The following ANKS1B variants were observed in gnomAD, a reference collection of about 807,000 sequenced individuals.
ANKS1B encodes ankyrin repeat and sterile alpha motif domain containing 1B.
A neutral mutation model predicts 148.3 loss-of-function variants in ANKS1B; 36 were observed. The observed-to-expected ratio is 0.24, with a 90% CI of 0.19 to 0.32. The LOEUF (loss-of-function observed/expected upper bound fraction) is 0.32, where lower values mean the gene tolerates loss of function less well. Among genes scored for constraint, ANKS1B ranks in the 10% least tolerant of loss-of-function variants. The probability of loss-of-function intolerance (pLI) is 1.00; values close to 1 mark genes in which losing one functional copy is unlikely to be tolerated. For missense variants in ANKS1B, 1,157 were observed against 1,542.6 expected (o/e 0.75, Z 4.19); for synonymous variants, 542 against 560.8 (o/e 0.97, Z 0.47).
chr12:99,779,387 A>T (rs2064017022), intron 6 of ANKS1B, among the ~76,000 whole-genome samples: 1 of 152,206 alleles, frequency 6.6e-6, no homozygotes, highest in Non-Finnish European at 1.5e-5. Flanking sequence ...GCCACTTAAG[A>T]TACATGAATT....
At position 99,984,377 on chromosome 12, in the gene ANKS1B, G is replaced by C. The variant is rs1472621531; in HGVS notation, c.-140C>G. 57 of 383,380 alleles carry C rather than the reference G, an allele frequency of 1.5e-4. No homozygotes were observed. Among genetic ancestry groups the C allele is most frequent in the East Asian group, 4.9e-4 (7 of 14,258 alleles). 23.7% of individuals were successfully genotyped at this position (383,380 alleles called of 1,614,324 possible). A position where few individuals can be genotyped will look rare whatever the true frequency, so the allele number is the denominator to read the frequency against. On this transcript the variant is annotated 5_prime_UTR_variant, in exon 1 of 27. Coordinates refer to ENST00000683438, the MANE Select transcript of ANKS1B (RefSeq NM_001352186.2). ...GCTTCAGCACGGAGAGCTCCCTGCA[G>C]CCCCAGGCAGGGAGCACGACTCTCT...
chr12:99,340,504 C>T (rs959458874), intron 12 of ANKS1B, among the ~76,000 whole-genome samples: 3 of 151,920 alleles, frequency 2.0e-5, no homozygotes, highest in Non-Finnish European at 2.9e-5. Flanking sequence ...AGTGTACTTA[C>T]ACAAACCTAG....
intron 12 of ANKS1B, among the ~76,000 whole-genome samples, chr12:99,334,129 A>ATAG (rs2088223397): frequency 6.6e-6 from 1 of 150,744 alleles, no homozygotes; most frequent in East Asian, 2.0e-4. Flanking sequence ...TGCTCCTCTA[A>ATAG]ATAGATAGAT....
intron 17 of ANKS1B, among the ~76,000 whole-genome samples, chr12:99,016,336 A>G (rs4762536): frequency 0.44 from 66,755 of 152,060 alleles, 15,332 homozygotes; most frequent in African/African-American, 0.56. Flanking sequence ...CTTTTTGTAA[A>G]GTATACTCAG....
intron 9 of ANKS1B, among the ~76,000 whole-genome samples, chr12:99,583,589 T>C (rs1358375108): frequency 6.6e-6 from 1 of 152,228 alleles, no homozygotes; most frequent in Admixed American, 6.5e-5. Flanking sequence ...CAAATGGCTG[T>C]GAAGTAAGTT....
At chr12:99,916,389 C>T (rs747078632) in intron 1 of ANKS1B, among the ~76,000 whole-genome samples, 8 of 152,134 alleles carry the variant, frequency 5.3e-5, no homozygotes, top group Non-Finnish European at 1.0e-4. Flanking sequence ...TTTGTGGTCT[C>T]CCAGTTAGAG....
chr12:98,891,811 T>C (rs2099753356), intron 17 of ANKS1B, among the ~76,000 whole-genome samples: 2 of 152,334 alleles, frequency 1.3e-5, no homozygotes, highest in Middle Eastern at 3.4e-3. Context: ...CACTTATGCT[T>C]TGTTGTTGGC....
intron 10 of ANKS1B, among the ~76,000 whole-genome samples, chr12:99,467,551 GC>G (rs1178970652): frequency 2.0e-5 from 3 of 152,142 alleles, no homozygotes; most frequent in Non-Finnish European, 4.4e-5. Context: ...CACTGTCTCA[GC>G]CCAAAATCTC....
At chr12:99,163,949 G>A (rs2076951681) in intron 14 of ANKS1B, among the ~76,000 whole-genome samples, 1 of 152,074 alleles carries the variant, frequency 6.6e-6, no homozygotes, top group Non-Finnish European at 1.5e-5. Flanking sequence ...AGCATTTGGT[G>A]TTGTCAATTT....
intron 17 of ANKS1B, among the ~76,000 whole-genome samples, chr12:98,954,793 C>T (rs1432928457): frequency 6.6e-6 from 1 of 152,130 alleles, no homozygotes; most frequent in Non-Finnish European, 1.5e-5. Context: ...CATACTGCTA[C>T]TTAACTTTCT....
At chr12:99,952,597 C>A (rs2095246770) in intron 1 of ANKS1B, among the ~76,000 whole-genome samples, 1 of 152,138 alleles carries the variant, frequency 6.6e-6, no homozygotes, top group Admixed American at 6.5e-5. Context: ...CACCCAACTT[C>A]CCACAGCAGA....
At chr12:98,847,975 A>C (rs2099491639) in intron 17 of ANKS1B, among the ~76,000 whole-genome samples, 2 of 152,204 alleles carry the variant, frequency 1.3e-5, no homozygotes, top group African/African-American at 4.8e-5. Flanking sequence ...TTTTTAATAC[A>C]TGTTTATTTT....
chr12:99,891,752 T>C (rs1477578653), intron 1 of ANKS1B, among the ~76,000 whole-genome samples: 1 of 152,192 alleles, frequency 6.6e-6, no homozygotes, highest in African/African-American at 2.4e-5. Flanking sequence ...AAGGATTTAT[T>C]AGGGTTGTTT....
chr12:99,336,577 T>G (rs12320223), intron 12 of ANKS1B, among the ~76,000 whole-genome samples: 12,495 of 152,112 alleles, frequency 0.082, 1,245 homozygotes, highest in African/African-American at 0.24. Context: ...GTTTCATTCT[T>G]CTCGTATGGA....
Position 98,829,053 on chromosome 12 carries a change from T to C in ANKS1B, c.3066+121A>G, listed in dbSNP as rs898866879. 1.8e-5 allele frequency: 21 copies of C among 1,150,858 alleles called. No individual in the cohort carries two copies. The highest frequency in any genetic ancestry group is 2.5e-5 in the Non-Finnish European group (20 of 786,820). 71.3% of individuals were successfully genotyped at this position (1,150,858 alleles called of 1,614,324 possible). ...TGAGCAAGGAATGAAAGGCGGGGCATAACATGGTATAAATTCTAGTTAGGC... is the reference window on the plus strand; with the variant it reads ...TGAGCAAGGAATGAAAGGCGGGGCACAACATGGTATAAATTCTAGTTAGGC... On this transcript the variant is annotated intron_variant, in intron 19 of 26. Coordinates refer to ENST00000683438, the MANE Select transcript of ANKS1B (RefSeq NM_001352186.2). This position sits in a 1 kb window ranked among gnomAD's most constrained non-coding sequence, Gnocchi z 5.2.
intron 9 of ANKS1B, chr12:99,649,231 G>A (rs1598831388): frequency 4.6e-6 from 6 of 1,299,164 alleles, no homozygotes; most frequent in East Asian, 2.3e-5. Context: ...TTACCTATAG[G>A]AAGAGAAAGG....
At chr12:99,796,186 T>C (rs1333209562) in intron 4 of ANKS1B, among the ~76,000 whole-genome samples, 1 of 152,016 alleles carries the variant, frequency 6.6e-6, no homozygotes, top group Non-Finnish European at 1.5e-5. Context: ...AGGCAAGTAG[T>C]GTCTACAGCA....
intron 17 of ANKS1B, among the ~76,000 whole-genome samples, chr12:99,025,160 C>T (rs2153448751): frequency 6.6e-6 from 1 of 152,102 alleles, no homozygotes; most frequent in East Asian, 1.9e-4. Context: ...TAACCATCAC[C>T]TAAAAGAACT....
intron 17 of ANKS1B, among the ~76,000 whole-genome samples, chr12:98,844,743 T>C (rs761687758): frequency 3.9e-5 from 6 of 152,222 alleles, no homozygotes; most frequent in Non-Finnish European, 8.8e-5. Context: ...GGGGGACCAC[T>C]GATTGAATGC....
Sources: gnomAD v4.1 joint callset for allele counts (sites outside exome capture counted in the v4.1 genomes callset) on GRCh38, gnomAD v4.1.1 for gene constraint, Gnocchi (gnomAD v3.1) non-coding constraint, MANE v1.5 for transcripts, NCBI Gene and HGNC (gene_info 2026-07-23, HGNC 2026-07-21) for gene names.